TAF4B: variants seen among roughly 807,000 people sequenced by gnomAD.
The protein encoded by TAF4B is transcription initiation factor TFIID subunit 4B.
In TAF4B, 38 loss-of-function variants were observed where a neutral mutation model predicts 86.4. That is an observed-to-expected ratio of 0.44 (90% CI 0.34 to 0.58). TAF4B has a LOEUF of 0.58. Ranked by LOEUF, TAF4B falls within the 20% of genes least tolerant of loss-of-function variation. The pLI is 0.02. For synonymous variants in TAF4B, 388 were observed against 391.2 expected, an observed-to-expected ratio of 0.99 and a Z score of 0.10; for missense variants, 988 against 1,027.6, an observed-to-expected ratio of 0.96 and a Z score of 0.53.
At chr18:26,260,699 G>A (rs2056152285) in intron 1 of TAF4B, among the ~76,000 whole-genome samples, 1 of 150,722 alleles carries the variant, frequency 6.6e-6, no homozygotes, top group Admixed American at 6.6e-5. Flanking sequence ...TTATCTCCAA[G>A]TTTGCTGATC....
chr18:26,264,272 C>A (rs144061177), intron 1 of TAF4B, among the ~76,000 whole-genome samples: 2,948 of 152,222 alleles, frequency 0.019, 38 homozygotes, highest in Middle Eastern at 0.075. Flanking sequence ...AACCTCATCT[C>A]TACTAAAAAT....
intron 1 of TAF4B, among the ~76,000 whole-genome samples, chr18:26,236,143 A>C (rs1045176746): frequency 3.3e-5 from 5 of 152,198 alleles, no homozygotes; most frequent in African/African-American, 1.2e-4. Context: ...CTTGTTATTC[A>C]TGCAAATAAT....
chr18:26,285,223 T>TTTTTTTTTTTTTG (rs2056503115), intron 6 of TAF4B, among the ~76,000 whole-genome samples: 1 of 78,266 alleles, frequency 1.3e-5, no homozygotes, highest in East Asian at 3.1e-4. Context: ...TTTTTTTTTG[T>TTTTTTTTTTTTTG]TTTTTTTTTT....
At chr18:26,355,098 C>A (rs1174976063) in intron 13 of TAF4B, among the ~76,000 whole-genome samples, 2 of 151,992 alleles carry the variant, frequency 1.3e-5, no homozygotes, top group African/African-American at 2.4e-5. Context: ...GTAGAAATAC[C>A]TGTATGTGTT....
At chr18:26,274,543 AC>A in intron 3 of TAF4B, 119 bp from the exon 4 acceptor site, 1 of 1,068,354 alleles carries the variant, frequency 9.4e-7, no homozygotes, top group Non-Finnish European at 1.4e-6. Context: ...GCCTTAGACT[AC>A]TAGAGCATAA....
chr18:26,236,989 C>G (rs1211229429), intron 1 of TAF4B, among the ~76,000 whole-genome samples: 1 of 152,168 alleles, frequency 6.6e-6, no homozygotes, highest in Non-Finnish European at 1.5e-5. Context: ...GTAAGATTTT[C>G]TTCCTTTCCC....
At chr18:26,314,249 AT>A (rs1281587780) in intron 9 of TAF4B, among the ~76,000 whole-genome samples, 1 of 152,234 alleles carries the variant, frequency 6.6e-6, no homozygotes, top group African/African-American at 2.4e-5. Context: ...TATGTTATAC[AT>A]TGTCATATAA....
chr18:26,383,994 G>C (rs556267204), intron 14 of TAF4B, among the ~76,000 whole-genome samples: 1 of 152,114 alleles, frequency 6.6e-6, no homozygotes, highest in Non-Finnish European at 1.5e-5. Flanking sequence ...ACTGGGTCAG[G>C]TATCCAGGGC....
intron 5 of TAF4B, among the ~76,000 whole-genome samples, chr18:26,279,066 G>GA (rs984988708): frequency 7.3e-5 from 11 of 150,188 alleles, no homozygotes; most frequent in East Asian, 2.0e-4. Flanking sequence ...CTCCAAATAG[G>GA]AAAAAAAAGG....
intron 1 of TAF4B, among the ~76,000 whole-genome samples, chr18:26,228,818 C>G (rs774976512): frequency 6.6e-6 from 1 of 152,056 alleles, no homozygotes; most frequent in African/African-American, 2.4e-5. Context: ...TGAAAATTTG[C>G]TGGTAAGTGA....
intron 13 of TAF4B, among the ~76,000 whole-genome samples, chr18:26,343,088 G>C (rs573000638): frequency 6.6e-6 from 1 of 152,328 alleles, no homozygotes; most frequent in African/African-American, 2.4e-5. Flanking sequence ...TAAACAGATT[G>C]GGGAAGAAGA....
intron 1 of TAF4B, among the ~76,000 whole-genome samples, chr18:26,239,204 C>T (rs539507090): frequency 1.3e-5 from 2 of 152,310 alleles, no homozygotes; most frequent in African/African-American, 2.4e-5. Context: ...GCATTCCCAC[C>T]AACAGTGTAA....
At chr18:26,282,997 T>G (rs2056468472) in intron 6 of TAF4B, among the ~76,000 whole-genome samples, 1 of 152,238 alleles carries the variant, frequency 6.6e-6, no homozygotes, top group Non-Finnish European at 1.5e-5. Context: ...CACTTTCAAC[T>G]GTGGTTCTCT....
At chr18:26,260,796 C>T (rs978326895) in intron 1 of TAF4B, among the ~76,000 whole-genome samples, 9 of 152,158 alleles carry the variant, frequency 5.9e-5, no homozygotes, top group Non-Finnish European at 1.3e-4. Context: ...AAAATAATAT[C>T]TATCTCTAGT....
Position 26,357,782 on chromosome 18 carries a change from A to G in TAF4B, c.2409A>G (p.Glu803=), listed in dbSNP as rs1235995384. The G allele has an allele frequency of 1.2e-6, 2 of 1,607,108 alleles. No individual in the cohort carries two copies. The highest frequency in any genetic ancestry group is 1.7e-5 in the Admixed American group (1 of 59,762). Residue 803 remains glutamate (E), a synonymous_variant, in exon 14 of 15, where the codon GAA becomes GAG. Transcript: ENST00000269142. Reference sequence around the variant, plus strand: ...GACCAAGGAAGAAGAGACCACTAGAATCTGGAATTGAGGTATTGAAATAAT... The same window carrying G: ...GACCAAGGAAGAAGAGACCACTAGAGTCTGGAATTGAGGTATTGAAATAAT... ...AIGPRKKRPL[E]SGIEGLKDNL...
chr18:26,268,504 C>T (rs536621171), intron 3 of TAF4B, among the ~76,000 whole-genome samples: 2 of 152,318 alleles, frequency 1.3e-5, no homozygotes, highest in South Asian at 4.1e-4. Context: ...AACGACCAGA[C>T]CCTCATCCCT....
intron 7 of TAF4B, among the ~76,000 whole-genome samples, chr18:26,290,565 C>G (rs1216123042): frequency 2.0e-5 from 3 of 152,012 alleles, no homozygotes; most frequent in African/African-American, 7.2e-5. Flanking sequence ...GTTGCTATGG[C>G]CTTTGTGCAA....
intron 9 of TAF4B, among the ~76,000 whole-genome samples, chr18:26,307,557 A>G (rs530809373): frequency 2.7e-5 from 4 of 149,662 alleles, no homozygotes; most frequent in African/African-American, 9.7e-5. Flanking sequence ...AGAGATACAT[A>G]ATAAAATATT....
chr18:26,378,567 T>G (rs1164990254), intron 14 of TAF4B, among the ~76,000 whole-genome samples: 1 of 152,178 alleles, frequency 6.6e-6, no homozygotes, highest in Non-Finnish European at 1.5e-5. Context: ...AGTTAAAAAT[T>G]GAAATTAACT....
Sources: gnomAD v4.1 joint callset for allele counts (sites outside exome capture counted in the v4.1 genomes callset) on GRCh38, gnomAD v4.1.1 for gene constraint, MANE v1.5 for transcripts, NCBI Gene and HGNC (gene_info 2026-07-23, HGNC 2026-07-21) for gene names.